IFT74: variants seen among roughly 807,000 people sequenced by gnomAD.
IFT74 encodes the protein intraflagellar transport protein 74 homolog.
Under a neutral mutation model 96.7 loss-of-function variants are expected in IFT74, and 92 were observed. That is an observed-to-expected ratio of 0.95 (90% CI 0.80 to 1.13). The LOEUF is 1.13. Ranked by LOEUF, IFT74 falls within the 50% of genes most tolerant of loss-of-function variation. IFT74 has a pLI of 0.00. For synonymous variants in IFT74, 223 were observed against 213.2 expected, an observed-to-expected ratio of 1.05 and a Z score of -0.40; for missense variants, 811 against 698.2, an observed-to-expected ratio of 1.16 and a Z score of -1.82.
chr9:27,055,831 T>G (rs1820137303), intron 17 of IFT74, 59 bp downstream of exon 17: 4 of 1,106,252 alleles, frequency 3.6e-6, no homozygotes, highest in African/African-American at 1.6e-5. Flanking sequence ...CTTGATCAAA[T>G]GTAATATATT....
intron 13 of IFT74, among the ~76,000 whole-genome samples, chr9:27,038,976 G>A (rs550317966): frequency 2.6e-5 from 4 of 152,084 alleles, no homozygotes; most frequent in Non-Finnish European, 4.4e-5. Context: ...ATGAAGCCTC[G>A]ACCTTAAACG....
intron 8 of IFT74, among the ~76,000 whole-genome samples, chr9:27,001,123 A>C (rs566624192): frequency 6.6e-6 from 1 of 152,282 alleles, no homozygotes; most frequent in East Asian, 1.9e-4. Context: ...TTGTTGCCGC[A>C]AATGACAGGA....
chr9:27,020,602 G>A (rs1829555250), intron 12 of IFT74, among the ~76,000 whole-genome samples: 1 of 151,252 alleles, frequency 6.6e-6, no homozygotes, highest in Non-Finnish European at 1.5e-5. Context: ...AGCCTCCCCA[G>A]TAGCTGGGAC....
At chr9:27,014,621 T>A (rs533637434) in intron 10 of IFT74, among the ~76,000 whole-genome samples, 369 of 151,936 alleles carry the variant, frequency 2.4e-3, no homozygotes, top group Admixed American at 4.7e-3. Flanking sequence ...AAAAAAAAAA[T>A]TTTTTTGAGA....
chr9:26,977,997 A>G (rs1827197796), intron 2 of IFT74, 131 bp from the exon 3 acceptor site: 1 of 700,264 alleles, frequency 1.4e-6, no homozygotes, highest in Admixed American at 3.6e-5. Flanking sequence ...TCAGACATTT[A>G]AAAAATAAGG....
chr9:27,058,123 G>C (rs586213), intron 18 of IFT74, among the ~76,000 whole-genome samples: 130,088 of 150,800 alleles, frequency 0.86, 56,188 homozygotes, highest in South Asian at 0.95. Flanking sequence ...GAGTCTCACT[G>C]TGTTGCCCAG....
chr9:26,988,809 A>G (rs1827747905), intron 7 of IFT74, 81 bp downstream of exon 7: 1 of 1,264,246 alleles, frequency 7.9e-7, no homozygotes, highest in Non-Finnish European at 1.1e-6. Context: ...AAATAGTTTG[A>G]TAAAACCTTA....
intron 13 of IFT74, among the ~76,000 whole-genome samples, chr9:27,032,810 A>G (rs10967674): frequency 0.022 from 3,373 of 152,104 alleles, 131 homozygotes; most frequent in African/African-American, 0.076. Flanking sequence ...AGGTTGCAGT[A>G]AGCCAAGATC....
chr9:26,998,273 C>A, intron 8 of IFT74: 2 of 1,253,026 alleles, frequency 1.6e-6, no homozygotes, highest in Non-Finnish European at 2.1e-6. Context: ...AGGCATTAAT[C>A]AGAAAAAAAA....
chr9:27,031,785 T>A (rs1038594157), intron 13 of IFT74, among the ~76,000 whole-genome samples: 18 of 135,622 alleles, frequency 1.3e-4, no homozygotes, highest in Non-Finnish European at 2.2e-4. Flanking sequence ...ATAAAATAAA[T>A]AAAATAAAAT....
chr9:26,994,932 T>C lies in IFT74; in HGVS notation c.587+4737T>C, dbSNP rs995652649. 3.3e-5 allele frequency: 5 copies of C among 152,508 alleles called. No individual in the cohort carries two copies. In the East Asian group the frequency reaches 9.6e-4, roughly 29 times the overall value. 9.4% of individuals were successfully genotyped at this position (152,508 alleles called of 1,614,324 possible). On this transcript the variant is annotated intron_variant, in intron 8 of 19. Transcript: ENST00000380062. ...TTTATAACCAGAATCAATAGTGACT[T>C]ATTAGGGATTATGCCTGAACATTGT...
chr9:26,971,019 CAT>C (rs1278173974), intron 2 of IFT74, among the ~76,000 whole-genome samples: 1 of 152,206 alleles, frequency 6.6e-6, no homozygotes, highest in African/African-American at 2.4e-5. Flanking sequence ...TCTCTAATGA[CAT>C]GTGCCATGAA....
chr9:27,011,243 C>T (rs376113579), intron 9 of IFT74, among the ~76,000 whole-genome samples: 217 of 152,154 alleles, frequency 1.4e-3, no homozygotes, highest in African/African-American at 4.9e-3. Flanking sequence ...CAGAGCGAGA[C>T]TCTGTCTCAA....
In IFT74 at chr9:27,065,957, A is replaced by G. The variant is rs1406619537; in HGVS notation, c.*3221A>G. On this transcript the variant is annotated 3_prime_UTR_variant, in exon 20 of 20. Transcript: ENST00000380062. The stretch of plus-strand genomic sequence containing the variant: ...ACTGAAAAACATTTTTAAAAAGGCA[A>G]TTTTTAATACAAAGGTAGATAATTT... 1.3e-5 allele frequency among the ~76,000 whole-genome samples: 2 copies of G among 152,344 alleles called. No individual in the cohort carries two copies. Among genetic ancestry groups the G allele is most frequent in the East Asian group, 3.9e-4 (2 of 5,182 alleles).
rs961075726 is a variant in IFT74, at chr9:27,008,725, T to C, written c.588-295T>C. On this transcript the variant is annotated intron_variant, in intron 8 of 19. Transcript: ENST00000380062. ...AATGCATCCTCATATATATAAGTCA[T>C]TAAGGATTTTTTGGTAATCTTTGTG... 2.6e-5 allele frequency among the ~76,000 whole-genome samples: 4 copies of C among 152,138 alleles called. No homozygotes were observed. The South Asian group carries it at 6.2e-4, about 24-fold the overall frequency.
intron 8 of IFT74, among the ~76,000 whole-genome samples, chr9:26,992,111 A>G (rs1170849467): frequency 6.6e-6 from 1 of 152,122 alleles, no homozygotes; most frequent in Non-Finnish European, 1.5e-5. Context: ...TTAAGTTCTC[A>G]TTTATTTCAT....
At chr9:26,948,045 T>C (rs1825803140) in intron 1 of IFT74, among the ~76,000 whole-genome samples, 1 of 152,184 alleles carries the variant, frequency 6.6e-6, no homozygotes, top group African/African-American at 2.4e-5. Flanking sequence ...TCCACAAACC[T>C]TTCTAAATTG....
At chr9:27,052,949 G>A (rs1334486844) in intron 16 of IFT74, among the ~76,000 whole-genome samples, 1 of 151,892 alleles carries the variant, frequency 6.6e-6, no homozygotes, top group Non-Finnish European at 1.5e-5. Flanking sequence ...TGCAGGCTCC[G>A]CCCCCAGGGG....
intron 13 of IFT74, among the ~76,000 whole-genome samples, chr9:27,040,768 T>C (rs1485310971): frequency 6.6e-6 from 1 of 152,068 alleles, no homozygotes. Flanking sequence ...GTACATGCCT[T>C]GTTGTGTATT....
Sources: gnomAD v4.1 joint callset for allele counts (sites outside exome capture counted in the v4.1 genomes callset) on GRCh38, gnomAD v4.1.1 for gene constraint, MANE v1.5 for transcripts, NCBI Gene and HGNC (gene_info 2026-07-23, HGNC 2026-07-21) for gene names.